NUMB: variants seen among roughly 807,000 people sequenced by gnomAD.
The protein encoded by NUMB is NUMB endocytic adaptor protein, also known as protein numb homolog.
A neutral mutation model predicts 59.7 loss-of-function variants in NUMB; 29 were observed. The ratio of observed to expected loss-of-function variants is 0.49; its 90% CI spans 0.36 to 0.66. The LOEUF (loss-of-function observed/expected upper bound fraction) is 0.66. Ranked by LOEUF, NUMB falls within the 30% of genes least tolerant of loss-of-function variation. The pLI, the probability that NUMB is intolerant of heterozygous loss-of-function variation, is 0.00. For synonymous variants in NUMB, 288 were observed against 288.2 expected (o/e 1.00, Z 0.01); for missense variants, 723 against 822.0 (o/e 0.88, Z 1.47).
At chr14:73,359,810 T>G (rs1566760475) in intron 3 of NUMB, among the ~76,000 whole-genome samples, 1 of 152,070 alleles carries the variant, frequency 6.6e-6, no homozygotes. Context: ...CTTGGCAAAA[T>G]ATTTACACAT....
chr14:73,386,867 ATTTTTTTTTTT>A (rs71112745), intron 2 of NUMB, among the ~76,000 whole-genome samples: 22 of 79,852 alleles, frequency 2.8e-4, no homozygotes, highest in East Asian at 1.6e-3. Context: ...CAGGTGTCTT[ATTTTTTTTTTT>A]TTTTTTTTTT....
chr14:73,390,360 C>T (rs1307053619), intron 2 of NUMB, among the ~76,000 whole-genome samples: 1 of 152,150 alleles, frequency 6.6e-6, no homozygotes, highest in Non-Finnish European at 1.5e-5. Flanking sequence ...CCAAAGTTAT[C>T]ATTGGTTTGA....
At chr14:73,333,004 AC>A (rs1442847411) in intron 4 of NUMB, among the ~76,000 whole-genome samples, 1 of 152,184 alleles carries the variant, frequency 6.6e-6, no homozygotes, top group African/African-American at 2.4e-5. Context: ...TATTCATACT[AC>A]CATCAATGGA....
intron 2 of NUMB, among the ~76,000 whole-genome samples, chr14:73,405,511 C>T (rs1326350546): frequency 1.3e-5 from 2 of 148,280 alleles, no homozygotes; most frequent in Non-Finnish European, 3.0e-5. Context: ...AATCACAGCT[C>T]GCCACAACCT....
chr14:73,450,198 C>A (rs1212564217), intron 1 of NUMB, among the ~76,000 whole-genome samples: 1 of 152,220 alleles, frequency 6.6e-6, no homozygotes, highest in African/African-American at 2.4e-5. Context: ...TCATTTAATT[C>A]TCACCATCAC....
intron 2 of NUMB, among the ~76,000 whole-genome samples, chr14:73,392,550 A>G (rs932034755): frequency 2.0e-5 from 3 of 152,208 alleles, no homozygotes; most frequent in Non-Finnish European, 4.4e-5. Flanking sequence ...GCTTCAATCA[A>G]TACCTCAGGA....
intron 2 of NUMB, among the ~76,000 whole-genome samples, chr14:73,389,941 T>C (rs1170695071): frequency 6.6e-6 from 1 of 152,130 alleles, no homozygotes; most frequent in South Asian, 2.1e-4. Context: ...TTTTATATAC[T>C]TATTACAAAA....
intron 1 of NUMB, among the ~76,000 whole-genome samples, chr14:73,445,354 CAAAAAAAAAAAAAAAAAAAAA>C (rs752154048): frequency 2.8e-4 from 16 of 57,578 alleles, no homozygotes; most frequent in East Asian, 1.2e-3. Flanking sequence ...GACCCTGTCT[CAAAAAAAAAAAAAAAAAAAAA>C]AAAAAAAAAA....
chr14:73,428,433 A>C (rs1388773323), intron 1 of NUMB, among the ~76,000 whole-genome samples: 3 of 152,190 alleles, frequency 2.0e-5, no homozygotes, highest in African/African-American at 4.8e-5. Context: ...CAGTGTTTTC[A>C]ACACCTTCAA....
At chr14:73,422,778 A>C (rs1227537347) in intron 1 of NUMB, among the ~76,000 whole-genome samples, 4 of 152,186 alleles carry the variant, frequency 2.6e-5, no homozygotes, top group African/African-American at 7.2e-5. Context: ...ATGGTAAATC[A>C]TTCATGAGGG....
intron 3 of NUMB, among the ~76,000 whole-genome samples, chr14:73,356,697 A>G (rs1406563680): frequency 1.3e-5 from 2 of 152,144 alleles, no homozygotes; most frequent in African/African-American, 4.8e-5. Flanking sequence ...AAATCTAGAG[A>G]AAAAACATTT....
chr14:73,428,337 T>C (rs897113983), intron 1 of NUMB, among the ~76,000 whole-genome samples: 2 of 152,186 alleles, frequency 1.3e-5, no homozygotes, highest in Non-Finnish European at 2.9e-5. Flanking sequence ...TGAGGTCTCT[T>C]GGGCTCTTCT....
chr14:73,368,224 G>T (rs55966526), intron 2 of NUMB, among the ~76,000 whole-genome samples: 12,229 of 152,094 alleles, frequency 0.08, 1,472 homozygotes, highest in African/African-American at 0.26. Flanking sequence ...AATATTTGAT[G>T]TACAAAGAAA....
chr14:73,402,587 A>G (rs958051358), intron 2 of NUMB, among the ~76,000 whole-genome samples: 1 of 152,198 alleles, frequency 6.6e-6, no homozygotes, highest in Non-Finnish European at 1.5e-5. Flanking sequence ...CCAAACAATT[A>G]TAATAATAAT....
chr14:73,359,856 T>C (rs72736321), intron 3 of NUMB, among the ~76,000 whole-genome samples: 1 of 151,762 alleles, frequency 6.6e-6, no homozygotes, highest in Non-Finnish European at 1.5e-5. Context: ...CTTGTCTTGC[T>C]CCTCTCTTTT....
At chr14:73,432,729 C>T (rs554664883) in intron 1 of NUMB, among the ~76,000 whole-genome samples, 6 of 152,138 alleles carry the variant, frequency 3.9e-5, no homozygotes, top group Non-Finnish European at 7.3e-5. Flanking sequence ...GGAGGAGACA[C>T]AAAAGGTATG....
chr14:73,359,654 G>T (rs193158906), intron 3 of NUMB, among the ~76,000 whole-genome samples: 2 of 152,262 alleles, frequency 1.3e-5, no homozygotes, highest in East Asian at 1.9e-4. Flanking sequence ...TGGAGAGAGA[G>T]ATTAGAATAA....
chr14:73,411,381 CA>C (rs1200988989), intron 1 of NUMB, among the ~76,000 whole-genome samples: 2 of 151,676 alleles, frequency 1.3e-5, no homozygotes, highest in Non-Finnish European at 2.9e-5. Flanking sequence ...ATAATGATTG[CA>C]GATACCACAG....
chr14:73,325,982 T>C (rs1231281193), intron 4 of NUMB, among the ~76,000 whole-genome samples: 5 of 152,236 alleles, frequency 3.3e-5, no homozygotes, highest in Non-Finnish European at 7.4e-5. Flanking sequence ...CTCCTGCCAT[T>C]TGATCCTAGA....
Sources: gnomAD v4.1 joint callset for allele counts (sites outside exome capture counted in the v4.1 genomes callset) on GRCh38, gnomAD v4.1.1 for gene constraint, MANE v1.5 for transcripts, NCBI Gene and HGNC (gene_info 2026-07-23, HGNC 2026-07-21) for gene names.